The following APCDD1L variants were observed in gnomAD, a reference collection of about 807,000 sequenced individuals.
APCDD1L encodes protein APCDD1-like.
APCDD1L carries 21 observed loss-of-function variants against 24.2 expected under a neutral mutation model. The ratio of observed to expected loss-of-function variants is 0.87; its 90% CI spans 0.61 to 1.25. APCDD1L has a LOEUF of 1.25. Among genes scored for constraint, APCDD1L ranks in the 50% most tolerant of loss-of-function variants. The pLI is 0.00. For missense variants in APCDD1L, 704 were observed against 711.7 expected, an observed-to-expected ratio of 0.99 and a Z score of 0.12; for synonymous variants, 321 against 323.6, an observed-to-expected ratio of 0.99 and a Z score of 0.09.
chr20:58,503,219 G>A (rs367955700), intron 1 of APCDD1L, among the ~76,000 whole-genome samples: 1 of 152,142 alleles, frequency 6.6e-6, no homozygotes, highest in Non-Finnish European at 1.5e-5. Context: ...AGAGGCAGAC[G>A]GAAATGCAAA....
chr20:58,502,880 GT>G (rs924181291), intron 1 of APCDD1L, among the ~76,000 whole-genome samples: 1 of 152,116 alleles, frequency 6.6e-6, no homozygotes, highest in Admixed American at 6.5e-5. Context: ...ATTATTCCAC[GT>G]TCTTGTTGAA....
intron 1 of APCDD1L, among the ~76,000 whole-genome samples, chr20:58,472,957 G>C (rs1471230011): frequency 6.6e-6 from 1 of 152,190 alleles, no homozygotes; most frequent in Admixed American, 6.5e-5. Context: ...TCTGCAATCT[G>C]CTTCTTCAGA....
chr20:58,513,993 A>G (rs1344190340), intron 1 of APCDD1L: 2 of 1,271,670 alleles, frequency 1.6e-6, no homozygotes, highest in Admixed American at 2.4e-5. Flanking sequence ...GGCCCCTGTG[A>G]TGGCACACTC....
chr20:58,482,051 A>G (rs1247747538), intron 1 of APCDD1L, among the ~76,000 whole-genome samples: 1 of 152,222 alleles, frequency 6.6e-6, no homozygotes, highest in Admixed American at 6.5e-5. Context: ...CCAAAGACAC[A>G]TATACGGGGG....
chr20:58,508,969 CGCACGTGTGTGT>C lies in APCDD1L; in HGVS notation c.49+5678_49+5689del, dbSNP rs1568755293. Among the ~76,000 whole-genome samples the C allele has an allele frequency of 6.7e-6, 1 of 148,260 alleles. No homozygotes were observed. The highest frequency in any genetic ancestry group is 2.5e-5 in the African/African-American group (1 of 39,740). On this transcript the variant is annotated intron_variant, in intron 1 of 3. Transcript: ENST00000371149. This position sits in a 1 kb window ranked among gnomAD's most constrained non-coding sequence, Gnocchi z 4.0. The stretch of plus-strand genomic sequence containing the variant: ...GTGAGTGTGCATGTGTGTCTGTGTG[CGCACGTGTGTGT>C]GCATGTGCATGCGTGTGTGTGTGTG...
chr20:58,490,705 A>G (rs915338454), intron 1 of APCDD1L, among the ~76,000 whole-genome samples: 1 of 152,188 alleles, frequency 6.6e-6, no homozygotes, highest in African/African-American at 2.4e-5. Flanking sequence ...GTTTTCAAAA[A>G]CTTAAGTCCA....
chr20:58,474,146 C>T (rs1244326507), intron 1 of APCDD1L, among the ~76,000 whole-genome samples: 2 of 152,216 alleles, frequency 1.3e-5, no homozygotes, highest in Non-Finnish European at 2.9e-5. Flanking sequence ...CTGGGAGGCC[C>T]AAGGCCAGGT....
At chr20:58,471,664 G>A (rs1989814643) in intron 1 of APCDD1L, among the ~76,000 whole-genome samples, 1 of 152,256 alleles carries the variant, frequency 6.6e-6, no homozygotes, top group Non-Finnish European at 1.5e-5. Context: ...AGCTGCTAAA[G>A]AGCAGCAGCT....
At chr20:58,512,786 C>G (rs544819821) in intron 1 of APCDD1L, among the ~76,000 whole-genome samples, 1 of 152,158 alleles carries the variant, frequency 6.6e-6, no homozygotes, top group Non-Finnish European at 1.5e-5. Flanking sequence ...TTCAAAGAAG[C>G]GTTCAGTGGA....
At position 58,461,365 on chromosome 20, in the gene APCDD1L, A is replaced by G; in HGVS notation, c.931T>C (p.Trp311Arg). The G allele has an allele frequency of 6.4e-7, 1 of 1,574,498 alleles. No homozygotes were observed. Among genetic ancestry groups the G allele is most frequent in the Middle Eastern group, 1.7e-4 (1 of 5,848 alleles). The change falls in exon 4 of 4, where the codon TGG (tryptophan) becomes CGG (arginine). Residue 311 changes from tryptophan to arginine, a missense_variant. Transcript: ENST00000371149. This position sits in a 1 kb window ranked among gnomAD's most constrained non-coding sequence, Gnocchi z 6.0. ...LFTFHGHSRS[W>R]EGYYHHFSDP... is the part of the protein sequence containing the mutation. ...GAGAAGTGGTGGTAATACCCTTCCC[A>G]GGAGCGGCTGTGCCCGTGGAAAGTG...
chr20:58,467,088 C>T lies in APCDD1L; in HGVS notation c.741+18G>A, dbSNP rs538973367. 32 of 1,588,588 alleles carry T rather than the reference C, an allele frequency of 2.0e-5. No homozygotes were observed. The South Asian group carries it at 3.2e-4, about 16-fold the overall frequency. On this transcript the variant is annotated intron_variant, in intron 3 of 3. Coordinates refer to ENST00000371149, the MANE Select transcript of APCDD1L (RefSeq NM_153360.3). This position sits in a 1 kb window ranked among gnomAD's most constrained non-coding sequence, Gnocchi z 5.9. Reference sequence around the variant, plus strand: ...AGACCACCACCCCCCTCTCCCACACCCCAACACACACACTCACCAGTGCGC... The same window carrying T: ...AGACCACCACCCCCCTCTCCCACACTCCAACACACACACTCACCAGTGCGC...
At chr20:58,506,783 ACAGT>A (rs564409686) in intron 1 of APCDD1L, among the ~76,000 whole-genome samples, 8 of 152,240 alleles carry the variant, frequency 5.3e-5, no homozygotes, top group Non-Finnish European at 1.2e-4. Flanking sequence ...TGTTATATAA[ACAGT>A]CAGCTCAGAT....
rs1195035409 is a variant in APCDD1L at position 58,460,845 on chromosome 20, G to A, written c.1451C>T (p.Ala484Val). Residue 484 changes from alanine (A) to valine (V), a missense_variant, in exon 4 of 4, where the codon GCC becomes GTC. Coordinates refer to ENST00000371149, the MANE Select transcript of APCDD1L (RefSeq NM_153360.3). The surrounding 1 kb of genome is among the most constrained non-coding windows in gnomAD (Gnocchi z 4.2). ...AACTAGGGGCAGAAGTGGGAAGGGG[G>A]CTATGTGAAGACCCCCTGTGCTGGG... The part of the protein sequence containing the change: ...KHPSTGGLHI[A>V]PFPLLPLVLG... 2.6e-6 allele frequency: 4 copies of A among 1,555,470 alleles called. No homozygotes were observed. Among genetic ancestry groups the A allele is most frequent in the East Asian group, 2.3e-5 (1 of 44,292 alleles).
chr20:58,472,898 C>T (rs1455077883), intron 1 of APCDD1L, among the ~76,000 whole-genome samples: 1 of 152,204 alleles, frequency 6.6e-6, no homozygotes, highest in Non-Finnish European at 1.5e-5. Context: ...GCCAGGAGTC[C>T]TGAGCTGACG....
At chr20:58,509,312 C>T (rs1478817570) in intron 1 of APCDD1L, among the ~76,000 whole-genome samples, 3 of 152,128 alleles carry the variant, frequency 2.0e-5, no homozygotes, top group Non-Finnish European at 2.9e-5. Context: ...AAATCCTTCT[C>T]GTTTCCCTGA....
chr20:58,506,062 C>T (rs188399820), intron 1 of APCDD1L, among the ~76,000 whole-genome samples: 3 of 152,116 alleles, frequency 2.0e-5, no homozygotes, highest in South Asian at 2.1e-4. Context: ...CCAAGCCCCC[C>T]ACTTCATAGT....
At chr20:58,477,071 T>A (rs1989923683) in intron 1 of APCDD1L, among the ~76,000 whole-genome samples, 1 of 152,248 alleles carries the variant, frequency 6.6e-6, no homozygotes, top group South Asian at 2.1e-4. Context: ...AATTTCAGAC[T>A]TACAAAAATG....
At chr20:58,485,167 C>CA (rs1990099059) in intron 1 of APCDD1L, among the ~76,000 whole-genome samples, 1 of 151,788 alleles carries the variant, frequency 6.6e-6, no homozygotes, top group Admixed American at 6.6e-5. Flanking sequence ...CACACACACA[C>CA]AATTATCAAA....
chr20:58,469,718 T>C (rs723506), intron 2 of APCDD1L, among the ~76,000 whole-genome samples: 63,497 of 152,086 alleles, frequency 0.42, 13,595 homozygotes, highest in African/African-American at 0.48. Flanking sequence ...GAAGGACTCA[T>C]GTCCCCTTCC....
Sources: allele counts gnomAD v4.1 joint callset (sites outside exome capture counted in the v4.1 genomes callset), GRCh38; gene constraint gnomAD v4.1.1; non-coding constraint Gnocchi (gnomAD v3.1); transcripts MANE v1.5; gene names NCBI Gene and HGNC (gene_info 2026-07-23, HGNC 2026-07-21).